The following SHANK2 variants were observed in gnomAD, a reference collection of about 807,000 sequenced individuals.
The protein encoded by SHANK2 is SH3 and multiple ankyrin repeat domains 2.
Under a neutral mutation model 133.7 loss-of-function variants are expected in SHANK2, and 43 were observed. That is an observed-to-expected ratio of 0.32 (90% CI 0.25 to 0.41). The LOEUF is 0.41. SHANK2 is among the 10% of genes least tolerant of loss of function. The pLI is 1.00. For synonymous variants in SHANK2, 1,017 were observed against 952.8 expected (o/e 1.07, Z -1.24); for missense variants, 1,994 against 2,235.8 (o/e 0.89, Z 2.18).
chr11:70,827,109 T>C (rs1240320772), intron 11 of SHANK2, among the ~76,000 whole-genome samples: 1 of 152,154 alleles, frequency 6.6e-6, no homozygotes, highest in African/African-American at 2.4e-5. Flanking sequence ...CAGACCCACG[T>C]TCCCCGGGCA....
chr11:71,198,153 T>C (rs563609340), intron 2 of SHANK2, among the ~76,000 whole-genome samples: 89 of 152,316 alleles, frequency 5.8e-4, no homozygotes, highest in African/African-American at 2.0e-3. Flanking sequence ...CTCACTATGT[T>C]GCCCAGGTTG....
chr11:70,782,617 C>T (rs1315215061), intron 14 of SHANK2, among the ~76,000 whole-genome samples: 2 of 152,224 alleles, frequency 1.3e-5, no homozygotes, highest in Admixed American at 1.3e-4. Flanking sequence ...CATCCGCACA[C>T]CTGCACCACT....
intron 9 of SHANK2, among the ~76,000 whole-genome samples, chr11:71,060,243 T>C (rs1259656100): frequency 6.6e-6 from 1 of 152,144 alleles, no homozygotes; most frequent in African/African-American, 2.4e-5. Flanking sequence ...ATCCTGCAAT[T>C]AATAGGACAG....
chr11:70,868,050 C>T (rs150050970), intron 11 of SHANK2, among the ~76,000 whole-genome samples: 432 of 152,356 alleles, frequency 2.8e-3, no homozygotes, highest in South Asian at 0.016. Flanking sequence ...AAATAATGTA[C>T]GCCGTCACCA....
intron 13 of SHANK2, among the ~76,000 whole-genome samples, chr11:70,801,346 G>A (rs1948041233): frequency 6.6e-6 from 1 of 152,224 alleles, no homozygotes; most frequent in African/African-American, 2.4e-5. Flanking sequence ...TTCATGTCAG[G>A]GGCGTAAAAA....
At chr11:70,700,648 C>T (rs543898696) in intron 14 of SHANK2, among the ~76,000 whole-genome samples, 21 of 152,304 alleles carry the variant, frequency 1.4e-4, no homozygotes, top group Middle Eastern at 3.4e-3. Context: ...CCCTGGCATC[C>T]AGCATCTTGC....
Position 71,187,111 on chromosome 11 carries a change from T to C in SHANK2, c.-13+37586A>G, listed in dbSNP as rs76050779. 4.1e-3 allele frequency among the ~76,000 whole-genome samples: 621 copies of C among 152,330 alleles called. 14 individuals are homozygous for C. The East Asian group carries it at 0.05, about 12-fold the overall frequency. On this transcript the variant is annotated intron_variant, in intron 2 of 25. Coordinates refer to ENST00000601538, the MANE Select transcript of SHANK2 (RefSeq NM_012309.5). ...GGATCCAGGACCCTGGAAGTCACAATTGAGGTTAATACTGCAGTCCTGTTG... is the reference window on the plus strand; with the variant it reads ...GGATCCAGGACCCTGGAAGTCACAACTGAGGTTAATACTGCAGTCCTGTTG...
chr11:70,942,704 G>T (rs1950664737), intron 10 of SHANK2: 6 of 456,734 alleles, frequency 1.3e-5, no homozygotes, highest in Non-Finnish European at 2.6e-5. Flanking sequence ...AGAAACAGTG[G>T]ATTATAAGTA....
intron 14 of SHANK2, among the ~76,000 whole-genome samples, chr11:70,720,028 G>T (rs1362267925): frequency 6.6e-6 from 1 of 152,138 alleles, no homozygotes; most frequent in East Asian, 1.9e-4. Flanking sequence ...ACCTCTCTGA[G>T]ATTCAGCTTC....
At chr11:70,516,594 G>C (rs1297947432) in intron 17 of SHANK2, among the ~76,000 whole-genome samples, 1 of 152,170 alleles carries the variant, frequency 6.6e-6, no homozygotes, top group African/African-American at 2.4e-5. Flanking sequence ...ATCTATAAAA[G>C]TCAAAATTGA....
chr11:71,240,334 G>A (rs1352260205), intron 1 of SHANK2, among the ~76,000 whole-genome samples: 12 of 152,098 alleles, frequency 7.9e-5, no homozygotes, highest in Admixed American at 6.5e-5. Flanking sequence ...GCCCACACTC[G>A]GGTCTCTCTG....
chr11:70,798,477 C>T lies in SHANK2; in HGVS notation c.1743G>A (p.Glu581=), dbSNP rs1947968286. Residue 581 remains glutamate (E), a synonymous_variant, in exon 14 of 26, where the codon GAG becomes GAA. Transcript: ENST00000601538. ...TGTCCCTGGGCTTACACTGGACCTC[C>T]TCCACGCACTCCGCCGGAAACCATC... The part of the protein sequence containing the change: ...HIGWFPAECV[E]EVQCKPRDSQ... 2.8e-6 allele frequency: 2 copies of T among 718,550 alleles called. No individual in the cohort carries two copies. Among genetic ancestry groups the T allele is most frequent in the Non-Finnish European group, 2.6e-6 (1 of 385,110 alleles). The allele number at this position is 718,550 out of a possible 1,614,324, so 44.5% of individuals were successfully genotyped here.
rs1555154444 is a variant in SHANK2 at position 70,487,404 on chromosome 11, A to G, written c.2889T>C (p.Ser963=). The part of the protein sequence containing the change: ...RRELDRYSLD[S]EDLYSRNAGP... ...CGGCATTCCGACTGTAGAGGTCTTC[A>G]GAGTCCAAGGAGTAGCGGTCCAGCT... The change falls in exon 25 of 26, where the codon TCT becomes TCC. Residue 963 remains serine (S), a synonymous_variant. Transcript: ENST00000601538. The surrounding 1 kb of genome is among the most constrained non-coding windows in gnomAD (Gnocchi z 5.8). 1 of 1,614,112 alleles carries G rather than the reference A, an allele frequency of 6.2e-7. No homozygotes were observed.
Position 70,486,705 on chromosome 11 carries a change from G to A in SHANK2, c.3588C>T (p.Ala1196=), listed in dbSNP as rs782052512. The A allele has an allele frequency of 4.3e-6, 7 of 1,610,458 alleles. No individual in the cohort carries two copies. The African/African-American group carries it at 6.7e-5, about 15-fold the overall frequency. Residue 1196 remains alanine (A), a synonymous_variant, in exon 25 of 26, where the codon GCC becomes GCT. Transcript: ENST00000601538. This position sits in a 1 kb window ranked among gnomAD's most constrained non-coding sequence, Gnocchi z 8.0. ...GTGGGTGGACATAATTCCCGGGGCC[G>A]GCTGTGCCGCTGCTCGCGGAGGGCA... ...PAVPSASSGT[A]GPGNYVHPLT... is the part of the protein sequence containing the mutation.
rs149655793 is a variant in SHANK2, at chr11:70,948,208, C to T, written c.1108-51641G>A. On this transcript the variant is annotated intron_variant, in intron 10 of 25. Coordinates refer to ENST00000601538, the MANE Select transcript of SHANK2 (RefSeq NM_012309.5). ...AAACTCGCTTCCGCATTGCCAGCTC[C>T]GTACCATTCCACCCTCACCCTGCTG... 380 of 452,758 alleles carry T rather than the reference C, an allele frequency of 8.4e-4. 1 individual carries two copies. Among genetic ancestry groups the T allele is most frequent in the African/African-American group, 6.6e-3 (329 of 50,142 alleles). The allele number at this position is 452,758 out of a possible 1,614,324, so 28.0% of individuals were successfully genotyped here.
chr11:70,732,809 G>A (rs1946317847), intron 14 of SHANK2, among the ~76,000 whole-genome samples: 1 of 152,224 alleles, frequency 6.6e-6, no homozygotes, highest in Non-Finnish European at 1.5e-5. Context: ...CCCCAGCCCT[G>A]CAGCTGCTTC....
chr11:70,619,867 T>C (rs184449227), intron 17 of SHANK2, among the ~76,000 whole-genome samples: 1 of 152,330 alleles, frequency 6.6e-6, no homozygotes, highest in Non-Finnish European at 1.5e-5. Flanking sequence ...GTGTGAAATC[T>C]ACCTCTGTTA....
intron 11 of SHANK2, chr11:70,872,910 A>G: frequency 2.3e-6 from 1 of 438,384 alleles, no homozygotes; most frequent in South Asian, 1.7e-5. Flanking sequence ...TCCTCGGGGC[A>G]GGAGGAGCAC....
chr11:70,766,309 T>C (rs1947123024), intron 14 of SHANK2, among the ~76,000 whole-genome samples: 1 of 152,194 alleles, frequency 6.6e-6, no homozygotes, highest in African/African-American at 2.4e-5. Context: ...CCCTCTGTCT[T>C]CTTTAATATG....
Sources: allele counts gnomAD v4.1 joint callset (sites outside exome capture counted in the v4.1 genomes callset), GRCh38; gene constraint gnomAD v4.1.1; non-coding constraint Gnocchi (gnomAD v3.1); transcripts MANE v1.5; gene names NCBI Gene and HGNC (gene_info 2026-07-23, HGNC 2026-07-21).